Variants in BTBD10 observed in about 807,000 individuals in gnomAD.
The protein encoded by BTBD10 is BTB domain containing 10.
BTBD10 carries 21 observed loss-of-function variants against 53.2 expected under a neutral mutation model. The observed-to-expected ratio is 0.39, with a 90% CI of 0.28 to 0.57. The LOEUF (loss-of-function observed/expected upper bound fraction) is 0.57. Among genes scored for constraint, BTBD10 ranks in the 20% least tolerant of loss-of-function variants. BTBD10 has a pLI of 0.53. For missense variants in BTBD10, 360 were observed against 594.7 expected (o/e 0.61, Z 4.10); for synonymous variants, 149 against 192.7 (o/e 0.77, Z 1.88).
chr11:13,390,955 T>C (rs1205477429), intron 8 of BTBD10, among the ~76,000 whole-genome samples: 1 of 152,170 alleles, frequency 6.6e-6, no homozygotes. Context: ...GCACCAGAAA[T>C]CAGAAAGGTC....
chr11:13,413,002 C>T (rs918275315), intron 6 of BTBD10, among the ~76,000 whole-genome samples: 10 of 152,170 alleles, frequency 6.6e-5, no homozygotes, highest in African/African-American at 2.4e-4. Flanking sequence ...ACCTTCTACA[C>T]ACTGCTTTGA....
intron 1 of BTBD10, among the ~76,000 whole-genome samples, chr11:13,450,687 T>C (rs1257983140): frequency 1.3e-5 from 2 of 152,178 alleles, no homozygotes; most frequent in Admixed American, 6.5e-5. Flanking sequence ...GATTGCAAAC[T>C]ATCACAGATA....
At chr11:13,395,795 A>T (rs954932259) in intron 8 of BTBD10, among the ~76,000 whole-genome samples, 3 of 152,168 alleles carry the variant, frequency 2.0e-5, no homozygotes, top group African/African-American at 7.2e-5. Context: ...TTAAATAGGG[A>T]ATCCTTTCGC....
intron 2 of BTBD10, among the ~76,000 whole-genome samples, chr11:13,436,057 G>C (rs1950538600): frequency 6.6e-6 from 1 of 152,104 alleles, no homozygotes; most frequent in South Asian, 2.1e-4. Flanking sequence ...CCTAAGTTTA[G>C]GAAAAACTGT....
At chr11:13,445,470 GTATCCAAA>G (rs1006281911) in intron 1 of BTBD10, among the ~76,000 whole-genome samples, 1 of 152,058 alleles carries the variant, frequency 6.6e-6, no homozygotes, top group African/African-American at 2.4e-5. Context: ...GGTACCTCAT[GTATCCAAA>G]TATCATTATG....
intron 5 of BTBD10, among the ~76,000 whole-genome samples, chr11:13,414,116 C>T (rs1362003730): frequency 6.6e-6 from 1 of 152,116 alleles, no homozygotes; most frequent in Non-Finnish European, 1.5e-5. Flanking sequence ...GAATTATAGT[C>T]ATATTCAAGT....
intron 8 of BTBD10, among the ~76,000 whole-genome samples, chr11:13,393,781 A>C (rs1490729599): frequency 6.6e-6 from 1 of 152,132 alleles, no homozygotes; most frequent in African/African-American, 2.4e-5. Flanking sequence ...TAATTTTTAA[A>C]ATTTCTACTT....
chr11:13,460,701 G>T (rs1442592826), intron 1 of BTBD10, among the ~76,000 whole-genome samples: 2 of 152,166 alleles, frequency 1.3e-5, no homozygotes, highest in Non-Finnish European at 2.9e-5. Context: ...CCATCCTGTT[G>T]CCAAACCCCT....
At chr11:13,415,107 CTTTTTTTTTT>C (rs756343405) in intron 5 of BTBD10, among the ~76,000 whole-genome samples, 9 of 127,076 alleles carry the variant, frequency 7.1e-5, no homozygotes, top group Admixed American at 4.8e-4. Flanking sequence ...TCAATCAAAC[CTTTTTTTTTT>C]TTTTTTTTTT....
chr11:13,392,589 A>C (rs929571338), intron 8 of BTBD10, among the ~76,000 whole-genome samples: 1 of 152,042 alleles, frequency 6.6e-6, no homozygotes, highest in Non-Finnish European at 1.5e-5. Flanking sequence ...GTTTGTTCAA[A>C]TCTTGCAGAG....
intron 1 of BTBD10, among the ~76,000 whole-genome samples, chr11:13,446,037 T>C (rs551287745): frequency 3.3e-5 from 5 of 152,198 alleles, no homozygotes; most frequent in Admixed American, 6.5e-5. Flanking sequence ...GATAATTCAC[T>C]ATATAGAATA....
Position 13,439,970 on chromosome 11 carries a change from C to T in BTBD10, c.101+5054G>A, listed in dbSNP as rs866056234. 2.7e-5 allele frequency: 41 copies of T among 1,534,822 alleles called. No homozygotes were observed. The Middle Eastern group carries it at 5.5e-3, about 206-fold the overall frequency. ...TATAAAGGGACTCTGCTCTTTCAAA[C>T]AATGAAGCACTGAAAGCCAGGTCAG... On this transcript the variant is annotated intron_variant, in intron 2 of 8. Transcript: ENST00000278174.
intron 5 of BTBD10, among the ~76,000 whole-genome samples, chr11:13,416,886 G>A (rs1464734685): frequency 1.3e-5 from 2 of 152,140 alleles, no homozygotes; most frequent in Non-Finnish European, 2.9e-5. Context: ...CAGGAGGTGT[G>A]TGGCAGGAGG....
At chr11:13,444,268 A>G (rs1950715735) in intron 2 of BTBD10, among the ~76,000 whole-genome samples, 2 of 152,052 alleles carry the variant, frequency 1.3e-5, no homozygotes, top group Non-Finnish European at 2.9e-5. Flanking sequence ...ATCAGTGGTA[A>G]GAAGAAATTT....
chr11:13,425,767 GA>G (rs1444862863), intron 2 of BTBD10, among the ~76,000 whole-genome samples: 2 of 152,106 alleles, frequency 1.3e-5, no homozygotes, highest in African/African-American at 4.8e-5. Context: ...ATAAATGTTT[GA>G]GGTGATATAC....
At chr11:13,444,111 T>C (rs775655361) in intron 2 of BTBD10, among the ~76,000 whole-genome samples, 4 of 152,140 alleles carry the variant, frequency 2.6e-5, no homozygotes, top group Non-Finnish European at 5.9e-5. Flanking sequence ...AAAGTGAACA[T>C]ATTATCAGGA....
In BTBD10 at chr11:13,401,834, C is replaced by T. The variant is rs1023010761; in HGVS notation, c.1117+1334G>A. The stretch of plus-strand genomic sequence containing the variant: ...TTCTGATCCTACTTTATCTCTTCTA[C>T]TAACTTTCAGACCAACTATATCTCT... On this transcript the variant is annotated intron_variant, in intron 8 of 8. Coordinates refer to ENST00000278174, the MANE Select transcript of BTBD10 (RefSeq NM_032320.7). 2.6e-5 allele frequency among the ~76,000 whole-genome samples: 4 copies of T among 152,202 alleles called. No individual in the cohort carries two copies. The South Asian group carries it at 8.3e-4, about 31-fold the overall frequency.
intron 1 of BTBD10, among the ~76,000 whole-genome samples, chr11:13,455,887 T>C (rs1394400806): frequency 6.6e-6 from 1 of 152,192 alleles, no homozygotes; most frequent in Admixed American, 6.5e-5. Flanking sequence ...TTACCTTCCA[T>C]TCCTTTCCGA....
rs754760447 is a variant in BTBD10 at position 13,388,861 on chromosome 11, G to A, written c.1398C>T (p.Leu466=). 1.5e-5 allele frequency: 25 copies of A among 1,613,696 alleles called. No individual in the cohort carries two copies. In the African/African-American group the frequency reaches 1.6e-4, roughly 10 times the overall value. Residue 466 remains leucine, a synonymous_variant, in exon 9 of 9, where the codon CTC becomes CTT. Transcript: ENST00000278174. ...GCATTGGATTCTGTGCATCAGGATC[G>A]AGGTCACTGTTGCCAGAAGGGGGAT... ...PIHPPSGNSD[L]DPDAQNPML
Sources: gnomAD v4.1 joint callset for allele counts (sites outside exome capture counted in the v4.1 genomes callset) on GRCh38, gnomAD v4.1.1 for gene constraint, MANE v1.5 for transcripts, NCBI Gene and HGNC (gene_info 2026-07-23, HGNC 2026-07-21) for gene names.